The following NEGR1 variants were observed in gnomAD, a reference collection of about 807,000 sequenced individuals.
The protein encoded by NEGR1 is IgLON family member 4.
A neutral mutation model predicts 40.9 loss-of-function variants in NEGR1; 10 were observed. The ratio of observed to expected loss-of-function variants is 0.24; its 90% CI spans 0.15 to 0.42. NEGR1 has a LOEUF of 0.42. Ranked by LOEUF, NEGR1 falls within the 10% of genes least tolerant of loss-of-function variation. NEGR1 has a pLI of 1.00. For missense variants in NEGR1, 352 were observed against 438.9 expected, an observed-to-expected ratio of 0.80 and a Z score of 1.77; for synonymous variants, 185 against 166.8, an observed-to-expected ratio of 1.11 and a Z score of -0.84.
intron 3 of NEGR1, among the ~76,000 whole-genome samples, chr1:71,768,677 G>A (rs1387546426): frequency 6.6e-6 from 1 of 152,166 alleles, no homozygotes; most frequent in East Asian, 1.9e-4. Flanking sequence ...TAAAATGTGA[G>A]TAGGACATGA....
rs891203204 is a variant in NEGR1, at chr1:71,962,895, A to AAAC, written c.177-27587_177-27585dup. Among the ~76,000 whole-genome samples the AAAC allele has an allele frequency of 3.9e-5, 6 of 151,940 alleles. 1 individual carries two copies. In the South Asian group the frequency reaches 6.2e-4, roughly 16 times the overall value. On this transcript the variant is annotated intron_variant, in intron 1 of 6. Coordinates refer to ENST00000357731, the MANE Select transcript of NEGR1 (RefSeq NM_173808.3). Reference sequence around the variant, plus strand: ...ATCGGATTCACCTTTGCAGCATTTTAAACAACAACAACAAAAACAAAAATA... The same window carrying AAAC: ...ATCGGATTCACCTTTGCAGCATTTTAAACAACAACAACAACAAAAACAAAAATA...
At chr1:71,704,142 ATCTCTC>A (rs151137477) in intron 3 of NEGR1, among the ~76,000 whole-genome samples, 1 of 139,310 alleles carries the variant, frequency 7.2e-6, no homozygotes, top group Non-Finnish European at 1.6e-5. Flanking sequence ...AGAAAATAGA[ATCTCTC>A]TCTCTCTCTC....
At chr1:71,721,845 A>C (rs1654521464) in intron 3 of NEGR1, among the ~76,000 whole-genome samples, 1 of 152,126 alleles carries the variant, frequency 6.6e-6, no homozygotes, top group African/African-American at 2.4e-5. Context: ...TGGAGACCTT[A>C]ATGTCATCAA....
chr1:72,116,770 TA>T (rs1253912866), intron 1 of NEGR1, among the ~76,000 whole-genome samples: 1 of 151,806 alleles, frequency 6.6e-6, no homozygotes, highest in African/African-American at 2.4e-5. Flanking sequence ...AAATAGTCTG[TA>T]AAAGTGTTTA....
chr1:71,907,936 G>A (rs1157825064), intron 2 of NEGR1, among the ~76,000 whole-genome samples: 3 of 152,128 alleles, frequency 2.0e-5, no homozygotes, highest in Non-Finnish European at 4.4e-5. Context: ...TCACTTACAA[G>A]TGGGAGCTAA....
intron 3 of NEGR1, among the ~76,000 whole-genome samples, chr1:71,708,234 T>G (rs965094619): frequency 6.6e-6 from 1 of 151,890 alleles, no homozygotes; most frequent in Non-Finnish European, 1.5e-5. Context: ...CATAGCTATG[T>G]TGAGAAAACT....
At chr1:71,670,907 T>C (rs924411279) in intron 4 of NEGR1, among the ~76,000 whole-genome samples, 4 of 150,638 alleles carry the variant, frequency 2.7e-5, no homozygotes, top group Non-Finnish European at 5.9e-5. Context: ...CACACACACA[T>C]ACACACACAC....
intron 1 of NEGR1, among the ~76,000 whole-genome samples, chr1:72,064,992 G>A (rs1245115467): frequency 6.6e-6 from 1 of 151,894 alleles, no homozygotes; most frequent in African/African-American, 2.4e-5. Context: ...ACATCTAACT[G>A]TAATTCAAAT....
intron 2 of NEGR1, among the ~76,000 whole-genome samples, chr1:71,784,921 G>A (rs750349605): frequency 6.6e-6 from 1 of 152,116 alleles, no homozygotes; most frequent in Non-Finnish European, 1.5e-5. Flanking sequence ...CAAATTTCTC[G>A]CATGCTGTAC....
chr1:71,446,201 C>T lies in NEGR1; in HGVS notation c.941-38631G>A, dbSNP rs145009475. 4.3e-4 allele frequency among the ~76,000 whole-genome samples: 66 copies of T among 152,116 alleles called. No individual in the cohort carries two copies. In the East Asian group the frequency reaches 0.01, roughly 23 times the overall value. ...AGTAGCCATGTTGCCTCATTTGAGA[C>T]GAACTCATTGGAAGTCACTTAACAG... On this transcript the variant is annotated intron_variant, in intron 6 of 6. Coordinates refer to ENST00000357731, the MANE Select transcript of NEGR1 (RefSeq NM_173808.3).
chr1:72,219,408 C>T (rs1653936661), intron 1 of NEGR1, among the ~76,000 whole-genome samples: 3 of 151,796 alleles, frequency 2.0e-5, no homozygotes, highest in African/African-American at 7.3e-5. Flanking sequence ...TCATATGTAA[C>T]AATAATGTTA....
chr1:71,950,237 T>G (rs1646057376), intron 1 of NEGR1, among the ~76,000 whole-genome samples: 1 of 152,024 alleles, frequency 6.6e-6, no homozygotes, highest in African/African-American at 2.4e-5. Flanking sequence ...AGATACATAT[T>G]TGTCATTCAT....
chr1:71,929,347 A>AT (rs964147566), intron 2 of NEGR1, among the ~76,000 whole-genome samples: 3 of 152,156 alleles, frequency 2.0e-5, no homozygotes, highest in African/African-American at 7.2e-5. Flanking sequence ...TTATTAAGCC[A>AT]TTTTTATTTC....
intron 2 of NEGR1, among the ~76,000 whole-genome samples, chr1:71,916,198 T>G (rs1474132909): frequency 6.6e-6 from 1 of 152,222 alleles, no homozygotes; most frequent in African/African-American, 2.4e-5. Context: ...TTTATTTAAA[T>G]GTTTATTTTA....
At chr1:71,864,140 G>C (rs763216324) in intron 2 of NEGR1, among the ~76,000 whole-genome samples, 5 of 152,158 alleles carry the variant, frequency 3.3e-5, no homozygotes, top group Non-Finnish European at 7.4e-5. Context: ...CCACATGGTT[G>C]TCAGGGGGCC....
At chr1:72,254,739 G>T (rs1188549056) in intron 1 of NEGR1, among the ~76,000 whole-genome samples, 4 of 149,616 alleles carry the variant, frequency 2.7e-5, no homozygotes, top group African/African-American at 9.8e-5. Context: ...TTATTATATG[G>T]TTCAATATTT....
chr1:71,533,689 A>C (rs1011484757), intron 6 of NEGR1, among the ~76,000 whole-genome samples: 1 of 151,678 alleles, frequency 6.6e-6, no homozygotes, highest in African/African-American at 2.4e-5. Context: ...TATTTTAAAC[A>C]ATGTATATAG....
chr1:72,224,699 G>A (rs1293187301), intron 1 of NEGR1, among the ~76,000 whole-genome samples: 1 of 151,474 alleles, frequency 6.6e-6, no homozygotes, highest in Non-Finnish European at 1.5e-5. Context: ...TTTTTTAAAT[G>A]ACGTCATGTT....
At chr1:71,649,265 T>C (rs1651630665) in intron 4 of NEGR1, among the ~76,000 whole-genome samples, 2 of 152,118 alleles carry the variant, frequency 1.3e-5, no homozygotes, top group East Asian at 3.9e-4. Flanking sequence ...TAAACCAGCA[T>C]AGCCTTTTCA....
Sources: allele counts gnomAD v4.1 joint callset (sites outside exome capture counted in the v4.1 genomes callset), GRCh38; gene constraint gnomAD v4.1.1; transcripts MANE v1.5; gene names NCBI Gene and HGNC (gene_info 2026-07-23, HGNC 2026-07-21).